Variants in PPM1H observed in about 807,000 individuals in gnomAD.
The protein encoded by PPM1H is protein phosphatase, Mg2+/Mn2+ dependent 1H.
PPM1H carries 27 observed loss-of-function variants against 54.9 expected under a neutral mutation model. The ratio of observed to expected loss-of-function variants is 0.49; its 90% CI spans 0.36 to 0.68. The LOEUF is 0.68. Among genes scored for constraint, PPM1H ranks in the 30% least tolerant of loss-of-function variants. PPM1H has a pLI of 0.00. For missense variants in PPM1H, 596 were observed against 667.8 expected (o/e 0.89, Z 1.19); for synonymous variants, 305 against 270.8 (o/e 1.13, Z -1.24).
chr12:62,853,935 A>C (rs988445367), intron 1 of PPM1H, among the ~76,000 whole-genome samples: 1 of 152,226 alleles, frequency 6.6e-6, no homozygotes, highest in African/African-American at 2.4e-5. Flanking sequence ...GACAAAATTC[A>C]CAGAGTACTA....
chr12:62,669,183 C>A (rs948132651), intron 8 of PPM1H, among the ~76,000 whole-genome samples: 1 of 152,210 alleles, frequency 6.6e-6, no homozygotes, highest in African/African-American at 2.4e-5. Context: ...TTAAAGAAAA[C>A]ATGAAAGCCT....
chr12:62,749,824 A>G (rs1376940666), intron 4 of PPM1H, among the ~76,000 whole-genome samples: 1 of 152,152 alleles, frequency 6.6e-6, no homozygotes, highest in African/African-American at 2.4e-5. Flanking sequence ...ATAAGTGACC[A>G]CTCATAGAGC....
chr12:62,806,003 A>C (rs2076803335), intron 2 of PPM1H, among the ~76,000 whole-genome samples: 1 of 152,244 alleles, frequency 6.6e-6, no homozygotes, highest in South Asian at 2.1e-4. Context: ...TGGGAGAAAT[A>C]AAACATTACA....
At chr12:62,738,107 C>T (rs553786764) in intron 4 of PPM1H, among the ~76,000 whole-genome samples, 10 of 152,218 alleles carry the variant, frequency 6.6e-5, no homozygotes, top group Admixed American at 2.0e-4. Context: ...TAAATTTAAG[C>T]GGTCACATAT....
intron 4 of PPM1H, among the ~76,000 whole-genome samples, chr12:62,778,980 A>AAAGG (rs747430887): frequency 2.6e-5 from 4 of 151,916 alleles, no homozygotes; most frequent in Non-Finnish European, 5.9e-5. Context: ...AAAGGGAAGG[A>AAAGG]AAGGAAGGAA....
At chr12:62,795,651 C>G (rs1219493780) in intron 3 of PPM1H, among the ~76,000 whole-genome samples, 1 of 151,878 alleles carries the variant, frequency 6.6e-6, no homozygotes, top group African/African-American at 2.4e-5. Context: ...TCACCGTGGT[C>G]TCAATCTCCT....
chr12:62,871,074 C>G (rs1023573870), intron 1 of PPM1H, among the ~76,000 whole-genome samples: 1 of 152,114 alleles, frequency 6.6e-6, no homozygotes. Flanking sequence ...CCCAAGAGAA[C>G]TGAAAACATG....
chr12:62,825,961 C>T (rs1248909396), intron 2 of PPM1H, among the ~76,000 whole-genome samples: 1 of 151,868 alleles, frequency 6.6e-6, no homozygotes, highest in Non-Finnish European at 1.5e-5. Context: ...AATGACATTC[C>T]TTCAGTAAAT....
At chr12:62,820,509 C>T (rs1051934807) in intron 2 of PPM1H, among the ~76,000 whole-genome samples, 1 of 152,206 alleles carries the variant, frequency 6.6e-6, no homozygotes, top group Non-Finnish European at 1.5e-5. Flanking sequence ...CGACTGACAC[C>T]TCATACGGCT....
chr12:62,671,842 G>A (rs192046629), intron 8 of PPM1H, among the ~76,000 whole-genome samples: 234 of 152,290 alleles, frequency 1.5e-3, no homozygotes, highest in African/African-American at 5.4e-3. Flanking sequence ...CCCTAAGGAG[G>A]ACCAAAGAGA....
intron 3 of PPM1H, among the ~76,000 whole-genome samples, chr12:62,798,492 C>T (rs958192886): frequency 1.3e-5 from 2 of 152,056 alleles, no homozygotes; most frequent in Admixed American, 6.5e-5. Flanking sequence ...TTTTTATTTT[C>T]CTTTCACAGT....
chr12:62,912,640 A>T (rs1432494268), intron 1 of PPM1H, among the ~76,000 whole-genome samples: 1 of 152,202 alleles, frequency 6.6e-6, no homozygotes, highest in Non-Finnish European at 1.5e-5. Flanking sequence ...TACAGACTCA[A>T]TCTGTTTTTT....
chr12:62,695,272 T>C (rs2076107535), intron 6 of PPM1H, among the ~76,000 whole-genome samples: 1 of 152,202 alleles, frequency 6.6e-6, no homozygotes. Flanking sequence ...CAGATGTGCC[T>C]GAGCTGGAGT....
At chr12:62,875,268 G>A (rs764383311) in intron 1 of PPM1H, among the ~76,000 whole-genome samples, 7 of 152,162 alleles carry the variant, frequency 4.6e-5, no homozygotes, top group Non-Finnish European at 7.3e-5. Context: ...GAGTGTTCAC[G>A]AAGCTTAGAA....
rs1532394 is a variant in PPM1H, at chr12:62,645,899, G to C, written c.*2590C>G. ...TTGACTTTTCCAGGGATGCACCAGG[G>C]GCCAACCCGTTATGTAGACACGGTT... is the stretch of plus-strand genomic sequence containing the variant. On this transcript the variant is annotated 3_prime_UTR_variant, in exon 10 of 10. Coordinates refer to ENST00000228705, the MANE Select transcript of PPM1H (RefSeq NM_020700.2). The C allele has an allele frequency of 0.16, 23,689 of 152,108 alleles. 2,339 individuals are homozygous for C. Among genetic ancestry groups the C allele is most frequent in the African/African-American group, 0.29 (12,000 of 41,460 alleles). 9.4% of individuals were successfully genotyped at this position (152,108 alleles called of 1,614,324 possible).
At chr12:62,766,675 A>G (rs764425393) in intron 4 of PPM1H, among the ~76,000 whole-genome samples, 10 of 152,232 alleles carry the variant, frequency 6.6e-5, no homozygotes, top group Non-Finnish European at 7.3e-5. Context: ...TAGAATGAGC[A>G]AGCTCTTCAG....
chr12:62,732,760 G>T (rs183106177), intron 5 of PPM1H, among the ~76,000 whole-genome samples: 722 of 151,968 alleles, frequency 4.8e-3, no homozygotes, highest in South Asian at 0.017. Flanking sequence ...TTTTAGTAGG[G>T]ACGGGGTTTC....
intron 9 of PPM1H, among the ~76,000 whole-genome samples, chr12:62,663,817 C>A (rs1197780732): frequency 6.6e-6 from 1 of 152,208 alleles, no homozygotes; most frequent in South Asian, 2.1e-4. Flanking sequence ...CATGGAGAAA[C>A]CCCATCTCTA....
chr12:62,779,808 C>G (rs1009939606), intron 4 of PPM1H, among the ~76,000 whole-genome samples: 25 of 152,188 alleles, frequency 1.6e-4, no homozygotes, highest in Admixed American at 5.9e-4. Context: ...ACCACCTTAC[C>G]CCATAACTGA....
Sources: allele counts gnomAD v4.1 joint callset (sites outside exome capture counted in the v4.1 genomes callset), GRCh38; gene constraint gnomAD v4.1.1; transcripts MANE v1.5; gene names NCBI Gene and HGNC (gene_info 2026-07-23, HGNC 2026-07-21).